The following ANGPT1 variants were observed in gnomAD, a reference collection of about 807,000 sequenced individuals.
ANGPT1 encodes the protein angiopoietin-1.
Under a neutral mutation model 62.2 loss-of-function variants are expected in ANGPT1, and 17 were observed. The ratio of observed to expected loss-of-function variants is 0.27; its 90% CI spans 0.19 to 0.41. ANGPT1 has a LOEUF of 0.41. Ranked by LOEUF, ANGPT1 falls within the 10% of genes least tolerant of loss-of-function variation. The pLI is 1.00. For synonymous variants in ANGPT1, 199 were observed against 198.9 expected (o/e 1.00, Z 0.00); for missense variants, 478 against 594.9 (o/e 0.80, Z 2.04).
chr8:107,330,976 A>C (rs548958783), intron 3 of ANGPT1, among the ~76,000 whole-genome samples: 1 of 152,312 alleles, frequency 6.6e-6, no homozygotes, highest in East Asian at 1.9e-4. Context: ...ATTTACAAGA[A>C]AAAGACTAGA....
intron 1 of ANGPT1, among the ~76,000 whole-genome samples, chr8:107,427,429 G>A (rs1275605120): frequency 1.3e-5 from 2 of 152,100 alleles, no homozygotes; most frequent in Non-Finnish European, 2.9e-5. Context: ...AACCTCATCT[G>A]TCCTGCCCTG....
chr8:107,281,904 CA>C (rs1480020053), intron 7 of ANGPT1, among the ~76,000 whole-genome samples: 6 of 151,860 alleles, frequency 4.0e-5, no homozygotes, highest in Non-Finnish European at 7.4e-5. Flanking sequence ...AACAATTGAT[CA>C]CAAAGACACA....
At chr8:107,359,797 A>G (rs1816121656) in intron 1 of ANGPT1, among the ~76,000 whole-genome samples, 1 of 152,236 alleles carries the variant, frequency 6.6e-6, no homozygotes, top group Non-Finnish European at 1.5e-5. Flanking sequence ...AACTGTTAAT[A>G]GTGACGATCT....
chr8:107,350,776 A>C (rs1029668916), intron 1 of ANGPT1, among the ~76,000 whole-genome samples: 4 of 152,090 alleles, frequency 2.6e-5, no homozygotes, highest in Admixed American at 1.3e-4. Context: ...TGCCACACTT[A>C]AGTAGCAAGA....
chr8:107,412,762 C>A (rs1019838515), intron 1 of ANGPT1, among the ~76,000 whole-genome samples: 1 of 152,016 alleles, frequency 6.6e-6, no homozygotes, highest in Non-Finnish European at 1.5e-5. Flanking sequence ...TGCTGGGTGC[C>A]ATGGAATTAT....
At chr8:107,371,943 A>G (rs899379026) in intron 1 of ANGPT1, among the ~76,000 whole-genome samples, 3 of 152,118 alleles carry the variant, frequency 2.0e-5, no homozygotes, top group African/African-American at 7.2e-5. Context: ...GACCTTTTGG[A>G]TCTCAGGGAG....
intron 1 of ANGPT1, among the ~76,000 whole-genome samples, chr8:107,414,419 TGTACAGAAAC>T (rs1342128892): frequency 6.6e-6 from 1 of 152,218 alleles, no homozygotes; most frequent in Non-Finnish European, 1.5e-5. Context: ...GATGTACACA[TGTACAGAAAC>T]ATCACATTAT....
intron 1 of ANGPT1, among the ~76,000 whole-genome samples, chr8:107,484,894 A>G (rs556622492): frequency 6.6e-6 from 1 of 152,326 alleles, no homozygotes; most frequent in East Asian, 1.9e-4. Context: ...GTCACTTCCC[A>G]GCTTCCTTTA....
In ANGPT1 at chr8:107,321,989, T is replaced by C; in HGVS notation, c.715A>G (p.Arg239Gly). The C allele has an allele frequency of 6.2e-7, 1 of 1,614,048 alleles. No individual in the cohort carries two copies. The highest frequency in any genetic ancestry group is 8.5e-7 in the Non-Finnish European group (1 of 1,179,928). The change falls in exon 4 of 9, where the codon AGA becomes GGA. Residue 239 changes from arginine (R) to glycine (G), a missense_variant. Around this residue, in one of 4 missense-constraint regions of ANGPT1, gnomAD observed 343 missense variants for 355.4 expected, o/e 0.97. Transcript: ENST00000517746. The stretch of plus-strand genomic sequence containing the variant: ...AGGACACTGTTGTTGGTGGTAGCTC[T>C]GTTTAATTGCTTTTCCAGCTCCTGG... ...IIQELEKQLN[R>G]ATTNNSVLQK...
intron 1 of ANGPT1, among the ~76,000 whole-genome samples, chr8:107,387,999 AG>A (rs1420309825): frequency 6.6e-6 from 1 of 151,884 alleles, no homozygotes; most frequent in African/African-American, 2.4e-5. Flanking sequence ...AGTATGAATA[AG>A]TTAGACAATA....
chr8:107,309,534 G>GTAA, intron 4 of ANGPT1, among the ~76,000 whole-genome samples: 1 of 152,240 alleles, frequency 6.6e-6, no homozygotes, highest in Non-Finnish European at 1.5e-5. Context: ...GTGGAAGAAG[G>GTAA]TAATGTCTTG....
chr8:107,282,528 TTA>T (rs568653038), intron 7 of ANGPT1, among the ~76,000 whole-genome samples: 123 of 129,814 alleles, frequency 9.5e-4, no homozygotes, highest in African/African-American at 3.3e-3. Context: ...ATATATTATA[TTA>T]TATATATATT....
intron 2 of ANGPT1, among the ~76,000 whole-genome samples, chr8:107,338,618 C>T (rs1270857870): frequency 3.3e-5 from 5 of 152,168 alleles, no homozygotes; most frequent in East Asian, 1.9e-4. Context: ...AGGGTTTCAG[C>T]GTTTTAAAAA....
At chr8:107,414,391 CT>C (rs1810683091) in intron 1 of ANGPT1, among the ~76,000 whole-genome samples, 1 of 152,188 alleles carries the variant, frequency 6.6e-6, no homozygotes, top group Non-Finnish European at 1.5e-5. Context: ...GTTAATTCAT[CT>C]GCTTTGGTCA....
intron 1 of ANGPT1, among the ~76,000 whole-genome samples, chr8:107,482,421 G>A (rs1236185459): frequency 6.6e-6 from 1 of 152,120 alleles, no homozygotes; most frequent in African/African-American, 2.4e-5. Flanking sequence ...CTCAAATATG[G>A]AGACTCACTA....
At chr8:107,487,032 A>G (rs1812831767) in intron 1 of ANGPT1, among the ~76,000 whole-genome samples, 1 of 152,124 alleles carries the variant, frequency 6.6e-6, no homozygotes, top group Admixed American at 6.6e-5. Context: ...CTAAAAGCGC[A>G]TGACAAAACT....
At chr8:107,393,259 C>A (rs933535056) in intron 1 of ANGPT1, among the ~76,000 whole-genome samples, 3 of 151,954 alleles carry the variant, frequency 2.0e-5, no homozygotes, top group Non-Finnish European at 4.4e-5. Flanking sequence ...CTATAGAGAA[C>A]AAATATAGAT....
chr8:107,346,188 T>C (rs1475239048), intron 2 of ANGPT1, among the ~76,000 whole-genome samples: 6 of 152,172 alleles, frequency 3.9e-5, no homozygotes, highest in Admixed American at 1.3e-4. Context: ...TTGCACCTTA[T>C]TTTTGAACAT....
intron 4 of ANGPT1, among the ~76,000 whole-genome samples, chr8:107,316,183 C>T (rs1296739003): frequency 1.3e-5 from 2 of 152,132 alleles, no homozygotes; most frequent in Non-Finnish European, 2.9e-5. Flanking sequence ...CAAATTTCTT[C>T]CACTTACTTT....
Sources: allele counts gnomAD v4.1 joint callset (sites outside exome capture counted in the v4.1 genomes callset), GRCh38; gene constraint gnomAD v4.1.1; regional missense constraint gnomAD v4.1.1; transcripts MANE v1.5; gene names NCBI Gene and HGNC (gene_info 2026-07-23, HGNC 2026-07-21).